The following TMEM178B variants were observed in gnomAD, a reference collection of about 807,000 sequenced individuals.
The protein encoded by TMEM178B is transmembrane protein 178B.
In TMEM178B, 5 loss-of-function variants were observed where a neutral mutation model predicts 31.0. The ratio of observed to expected loss-of-function variants is 0.16; its 90% CI spans 0.08 to 0.34. The LOEUF (loss-of-function observed/expected upper bound fraction) is 0.34. Among genes scored for constraint, TMEM178B ranks in the 10% least tolerant of loss-of-function variants. TMEM178B has a pLI of 1.00. For synonymous variants in TMEM178B, 164 were observed against 164.0 expected (o/e 1.00, Z 0.00); for missense variants, 275 against 400.3 (o/e 0.69, Z 2.67).
At chr7:141,317,887 C>CT (rs1356770126) in intron 2 of TMEM178B, among the ~76,000 whole-genome samples, 1 of 152,080 alleles carries the variant, frequency 6.6e-6, no homozygotes, top group African/African-American at 2.4e-5. Flanking sequence ...CGATGGTTGC[C>CT]TAGAGGTATC....
At chr7:141,452,715 G>A (rs1014096495) in intron 3 of TMEM178B, among the ~76,000 whole-genome samples, 1 of 152,068 alleles carries the variant, frequency 6.6e-6, no homozygotes, top group Non-Finnish European at 1.5e-5. Flanking sequence ...TTGTTGTTTA[G>A]ATAAAACAAG....
downstream of TMEM178B, among the ~76,000 whole-genome samples, chr7:141,483,693 T>C (rs1033076117): frequency 1.3e-5 from 2 of 152,024 alleles, no homozygotes; most frequent in Non-Finnish European, 2.9e-5. Context: ...CCATGCACAA[T>C]TAGTCCTTTT....
chr7:141,114,058 A>G (rs1346914319), intron 1 of TMEM178B, among the ~76,000 whole-genome samples: 2 of 152,242 alleles, frequency 1.3e-5, no homozygotes, highest in South Asian at 2.1e-4. Context: ...AGATTTCCAG[A>G]TCTGAAACCA....
chr7:141,196,450 G>A lies in TMEM178B; in HGVS notation c.383-16141G>A, dbSNP rs553657001. 3.3e-5 allele frequency among the ~76,000 whole-genome samples: 5 copies of A among 152,300 alleles called. No homozygotes were observed. The East Asian group carries it at 9.6e-4, about 29-fold the overall frequency. On this transcript the variant is annotated intron_variant, in intron 1 of 3. Coordinates refer to ENST00000565468, the MANE Select transcript of TMEM178B (RefSeq NM_001195278.2). ...GTATTCTAAATAACAGTGTCTGGAA[G>A]TTTCTATTTCCCCTGTCTTTACCAA...
intron 2 of TMEM178B, among the ~76,000 whole-genome samples, chr7:141,306,727 G>T (rs1392884824): frequency 1.0e-4 from 15 of 149,750 alleles, no homozygotes; most frequent in Non-Finnish European, 2.1e-4. Context: ...TTCTCTTTGT[G>T]CCATCCCTCT....
intron 2 of TMEM178B, among the ~76,000 whole-genome samples, chr7:141,363,751 A>G (rs1799956418): frequency 6.6e-6 from 1 of 152,128 alleles, no homozygotes; most frequent in Non-Finnish European, 1.5e-5. Context: ...GCCTGGACAC[A>G]CAGGAGATGT....
intron 3 of TMEM178B, among the ~76,000 whole-genome samples, chr7:141,450,709 A>C (rs1017281428): frequency 6.6e-6 from 1 of 152,146 alleles, no homozygotes; most frequent in Non-Finnish European, 1.5e-5. Flanking sequence ...AGAGGTGGAG[A>C]GGGAAGAAGA....
Position 141,454,083 on chromosome 7 carries a change from A to G in TMEM178B, c.634+16338A>G, listed in dbSNP as rs191760613. Among the ~76,000 whole-genome samples, 23 of 152,250 alleles carry G rather than the reference A, an allele frequency of 1.5e-4. No individual in the cohort carries two copies. The East Asian group carries it at 4.4e-3, about 29-fold the overall frequency. On this transcript the variant is annotated intron_variant, in intron 3 of 3. Transcript: ENST00000565468. ...AGAATCTCTTCTTGAAGTTTCTGCC[A>G]CACTCCCAGGCACAATTTATTTAAA...
intron 1 of TMEM178B, among the ~76,000 whole-genome samples, chr7:141,085,138 C>T (rs187352266): frequency 2.7e-5 from 4 of 145,480 alleles, no homozygotes; most frequent in African/African-American, 1.0e-4. Flanking sequence ...TCAGCACTCT[C>T]GGCTAATTTG....
chr7:141,159,492 T>G (rs1796131731), intron 1 of TMEM178B, among the ~76,000 whole-genome samples: 1 of 152,224 alleles, frequency 6.6e-6, no homozygotes, highest in African/African-American at 2.4e-5. Context: ...AAGAGATGTT[T>G]GTACACCCAT....
At chr7:141,214,741 T>C (rs1797104395) in intron 2 of TMEM178B, among the ~76,000 whole-genome samples, 1 of 152,032 alleles carries the variant, frequency 6.6e-6, no homozygotes, top group African/African-American at 2.4e-5. Flanking sequence ...TGTCTCCAGG[T>C]TCTTATTCCC....
chr7:141,349,992 C>T (rs1586907112), intron 2 of TMEM178B, among the ~76,000 whole-genome samples: 1 of 151,852 alleles, frequency 6.6e-6, no homozygotes, highest in Non-Finnish European at 1.5e-5. Flanking sequence ...TCCATCCATC[C>T]ATCCATGCAT....
chr7:141,250,079 AT>A (rs987690174), intron 2 of TMEM178B, among the ~76,000 whole-genome samples: 5 of 151,670 alleles, frequency 3.3e-5, no homozygotes, highest in East Asian at 1.9e-4. Flanking sequence ...AAAATAACTA[AT>A]TTTTTTTTCT....
chr7:141,410,927 A>G (rs1453144506), intron 2 of TMEM178B, among the ~76,000 whole-genome samples: 1 of 152,220 alleles, frequency 6.6e-6, no homozygotes, highest in Admixed American at 6.5e-5. Context: ...ATGAACCTGG[A>G]GAACATGCTA....
At chr7:141,093,664 A>G (rs921615254) in intron 1 of TMEM178B, among the ~76,000 whole-genome samples, 1 of 152,198 alleles carries the variant, frequency 6.6e-6, no homozygotes, top group Admixed American at 6.5e-5. Flanking sequence ...GCTCAGGGAG[A>G]TGAGTTGGAA....
chr7:141,506,021 C>T, the TMEM178B span, among the ~76,000 whole-genome samples: 21 of 152,228 alleles, frequency 1.4e-4, no homozygotes, highest in Admixed American at 1.2e-3. Flanking sequence ...GGTCCCTTTG[C>T]AGATGACTCT....
chr7:141,204,187 G>A (rs751114697), intron 1 of TMEM178B, among the ~76,000 whole-genome samples: 33 of 152,370 alleles, frequency 2.2e-4, no homozygotes, highest in Admixed American at 3.9e-4. Context: ...AGCTGGAAGC[G>A]TGAGACTGGA....
chr7:141,133,659 A>T (rs1795630375), intron 1 of TMEM178B, among the ~76,000 whole-genome samples: 1 of 152,176 alleles, frequency 6.6e-6, no homozygotes, highest in Non-Finnish European at 1.5e-5. Flanking sequence ...GGCGTAGAAA[A>T]CCCATTTAAC....
chr7:141,102,287 T>A (rs1392333484), intron 1 of TMEM178B, among the ~76,000 whole-genome samples: 2 of 152,202 alleles, frequency 1.3e-5, no homozygotes, highest in Non-Finnish European at 2.9e-5. Flanking sequence ...GTAAAGAGTT[T>A]CACTATCTAA....
Sources: allele counts gnomAD v4.1 joint callset (sites outside exome capture counted in the v4.1 genomes callset), GRCh38; gene constraint gnomAD v4.1.1; transcripts MANE v1.5; gene names NCBI Gene and HGNC (gene_info 2026-07-23, HGNC 2026-07-21).